BTN2A2: variants seen among roughly 807,000 people sequenced by gnomAD.
BTN2A2 encodes the protein butyrophilin subfamily 2 member A2, also known as butyrophilin 2.
BTN2A2 carries 29 observed loss-of-function variants against 34.7 expected under a neutral mutation model. The observed-to-expected ratio is 0.84, with a 90% CI of 0.62 to 1.14. The LOEUF (loss-of-function observed/expected upper bound fraction) is 1.14. Ranked by LOEUF, BTN2A2 falls within the 50% of genes most tolerant of loss-of-function variation. The pLI is 0.00. For missense variants in BTN2A2, 612 were observed against 651.5 expected (o/e 0.94, Z 0.66); for synonymous variants, 240 against 253.1 (o/e 0.95, Z 0.49).
intron 4 of BTN2A2, 68 bp from the exon 5 acceptor site, chr6:26,389,937 C>G: frequency 6.7e-7 from 1 of 1,494,886 alleles, no homozygotes; most frequent in Non-Finnish European, 9.2e-7. Flanking sequence ...TTCAGATGTG[C>G]TCTTAGGGGC....
rs1448619969 is a variant in BTN2A2 at position 26,394,353 on chromosome 6, G to C, written c.*1386G>C. 1 of 699,708 alleles carries C rather than the reference G, an allele frequency of 1.4e-6. No individual in the cohort carries two copies. Among genetic ancestry groups the C allele is most frequent in the Non-Finnish European group, 2.6e-6 (1 of 384,252 alleles). The allele number at this position is 699,708 out of a possible 1,614,324, so 43.3% of individuals were successfully genotyped here. A position where few individuals can be genotyped will look rare whatever the true frequency, so the allele number is the denominator to read the frequency against. On this transcript the variant is annotated 3_prime_UTR_variant, in exon 8 of 8. Transcript: ENST00000356709. ...AGACAGCTGGTACAACATTATTTCT[G>C]GGTGTGTCTGTGAGTGTGTTTCCAG...
intron 5 of BTN2A2, 153 bp downstream of exon 5, chr6:26,390,364 A>T: frequency 1.2e-6 from 1 of 814,158 alleles, no homozygotes; most frequent in Non-Finnish European, 1.9e-6. Flanking sequence ...AGCAGCAGCC[A>T]CAAGGGCTTG....
In BTN2A2 at chr6:26,383,765, G is replaced by C. The variant is rs554722229; in HGVS notation, c.-30-27G>C. 2.6e-6 allele frequency: 4 copies of C among 1,566,442 alleles called. No individual in the cohort carries two copies. In the East Asian group the frequency reaches 9.0e-5, roughly 35 times the overall value. ...AGCACTGAGGTGCCAAGACTCCTAG[G>C]CTGATTCTCCTCCTCTGTAACCCTA... On this transcript the variant is annotated intron_variant, in intron 1 of 7. Transcript: ENST00000356709. The surrounding 1 kb of genome is among the most constrained non-coding windows in gnomAD (Gnocchi z 4.4).
chr6:26,385,211 G>A lies in BTN2A2; in HGVS notation c.291G>A (p.Arg97=), dbSNP rs1412980111. 3.1e-6 allele frequency: 5 copies of A among 1,614,126 alleles called. No individual in the cohort carries two copies. Among genetic ancestry groups the A allele is most frequent in the Non-Finnish European group, 4.2e-6 (5 of 1,180,032 alleles). The change falls in exon 3 of 8, where the codon CGG becomes CGA. Residue 97 remains arginine (R), a synonymous_variant. Coordinates refer to ENST00000356709, the MANE Select transcript of BTN2A2 (RefSeq NM_006995.5). ...CAGAGGAGCAGATGGAGGAGTACCGGGGAAGAATCACCTTTGTGAGCAAAG... is the reference window on the plus strand; with the variant it reads ...CAGAGGAGCAGATGGAGGAGTACCGAGGAAGAATCACCTTTGTGAGCAAAG... ...ERTEEQMEEY[R]GRITFVSKDI...
chr6:26,389,703 G>A (rs1189462413), intron 4 of BTN2A2, among the ~76,000 whole-genome samples: 1 of 152,230 alleles, frequency 6.6e-6, no homozygotes, highest in Non-Finnish European at 1.5e-5. Flanking sequence ...CCAGGCGTGA[G>A]TGATGGTGGT....
chr6:26,390,249 G>A, intron 5 of BTN2A2, 38 bp downstream of exon 5: 3 of 1,585,936 alleles, frequency 1.9e-6, no homozygotes, highest in African/African-American at 1.4e-5. Context: ...AAAATAGAAA[G>A]AAATTCAAAA....
In BTN2A2 at chr6:26,394,430, TGCCCAATACAACAAAAAG is replaced by T; in HGVS notation, c.*1466_*1483del. The T allele has an allele frequency of 1.5e-6, 1 of 656,628 alleles. No individual in the cohort carries two copies. The highest frequency in any genetic ancestry group is 1.8e-5 in the African/African-American group (1 of 56,022). The allele number at this position is 656,628 out of a possible 1,614,324, so 40.7% of individuals were successfully genotyped here. A position where few individuals can be genotyped will look rare whatever the true frequency, so the allele number is the denominator to read the frequency against. On this transcript the variant is annotated 3_prime_UTR_variant, in exon 8 of 8. Coordinates refer to ENST00000356709, the MANE Select transcript of BTN2A2 (RefSeq NM_006995.5). ...AAATTCTCTCCTTCTGTTGGCTGGG[TGCCCAATACAACAAAAAG>T]GCAGAGGAAAGGCAAATTCTTCTCT...
Position 26,392,832 on chromosome 6 carries a change from T to C in BTN2A2, c.1437T>C (p.Pro479=), listed in dbSNP as rs768350908. ...GTCCCCGTTCAGCCTTTACTGTGCC[T>C]GTGAGGCCCTTCTTCAGGTTAGGGT... ...YTCPRSAFTV[P]VRPFFRLGSD... is the part of the protein sequence containing the mutation. Residue 479 remains proline, a synonymous_variant, in exon 8 of 8, where the codon CCT becomes CCC. Transcript: ENST00000356709. 9.3e-6 allele frequency: 15 copies of C among 1,614,218 alleles called. No individual in the cohort carries two copies. Among genetic ancestry groups the C allele is most frequent in the Admixed American group, 3.3e-5 (2 of 60,018 alleles).
In BTN2A2 at chr6:26,390,169, T is replaced by C; in HGVS notation, c.889T>C (p.Ser297Pro). ...ACTTCAAAGGGAAAAAAAGATTCTG[T>C]CAGGGGAAAAGAAAGTTGAACAAGA... ...KKLQREKKIL[S>P]GEKKVEQEEK... The change falls in exon 5 of 8, where the codon TCA becomes CCA. Residue 297 changes from serine (S) to proline (P), a missense_variant. Transcript: ENST00000356709. 6.2e-7 allele frequency: 1 copy of C among 1,613,978 alleles called. No homozygotes were observed.
chr6:26,388,352 T>C, intron 4 of BTN2A2, 58 bp downstream of exon 4: 1 of 1,586,682 alleles, frequency 6.3e-7, no homozygotes, highest in Non-Finnish European at 8.6e-7. Context: ...AGCACCCAGA[T>C]GGAGCCCAGA....
chr6:26,388,388 T>C, intron 4 of BTN2A2, 94 bp downstream of exon 4: 4 of 1,470,222 alleles, frequency 2.7e-6, no homozygotes, highest in Non-Finnish European at 2.8e-6. Context: ...GCAGTGTGGG[T>C]GGAATGGTCC....
intron 3 of BTN2A2, among the ~76,000 whole-genome samples, chr6:26,387,065 T>C (rs1018059979): frequency 2.6e-5 from 4 of 152,238 alleles, no homozygotes; most frequent in Admixed American, 2.6e-4. Flanking sequence ...CTTTTGCAGC[T>C]CTCTCACTCT....
Position 26,393,590 on chromosome 6 carries a change from G to A in BTN2A2, c.*623G>A. 9.9e-7 allele frequency: 1 copy of A among 1,005,404 alleles called. No homozygotes were observed. Among genetic ancestry groups the A allele is most frequent in the Middle Eastern group, 5.1e-4 (1 of 1,970 alleles). 62.3% of individuals were successfully genotyped at this position (1,005,404 alleles called of 1,614,324 possible). ...GCCTGGACCTGGGATGAAGATGAAT[G>A]AAGAACATGGACTCATGTGGATGTG... On this transcript the variant is annotated 3_prime_UTR_variant, in exon 8 of 8. Coordinates refer to ENST00000356709, the MANE Select transcript of BTN2A2 (RefSeq NM_006995.5).
At position 26,392,926 on chromosome 6, in the gene BTN2A2, G is replaced by A; in HGVS notation, c.1531G>A (p.Gly511Ser). Reference protein sequence around the residue: ...GASGVMVPEEGLKLHRVGTHQ... With the variant: ...GASGVMVPEESLKLHRVGTHQ... Reference sequence around the variant, plus strand: ...CAGTGGGGTCATGGTGCCTGAAGAGGGCCTGAAACTTCACAGAGTGGGGAC... The same window carrying A: ...CAGTGGGGTCATGGTGCCTGAAGAGAGCCTGAAACTTCACAGAGTGGGGAC... Residue 511 changes from glycine (G) to serine (S), a missense_variant, in exon 8 of 8, where the codon GGC (glycine) becomes AGC (serine). Gly to Ser is a moderately conservative substitution (Grantham distance 56). Transcript: ENST00000356709. The A allele has an allele frequency of 6.8e-6, 11 of 1,614,130 alleles. No homozygotes were observed. The highest frequency in any genetic ancestry group is 9.3e-6 in the Non-Finnish European group (11 of 1,180,026).
rs1267530237 is a variant in BTN2A2, at chr6:26,392,501, C to G, written c.1106C>G (p.Pro369Arg). 1 of 1,614,250 alleles carries G rather than the reference C, an allele frequency of 6.2e-7. No individual in the cohort carries two copies. The highest frequency in any genetic ancestry group is 1.7e-5 in the Admixed American group (1 of 60,028). The change falls in exon 8 of 8, where the codon CCT becomes CGT. Residue 369 changes from proline (P) to arginine (R), a missense_variant. By Grantham distance (103) the Pro-to-Arg change is moderately radical. Coordinates refer to ENST00000356709, the MANE Select transcript of BTN2A2 (RefSeq NM_006995.5). ...PDNPERFDSQ[P>R]CVLGWESFAS... ...AACCCAGAGAGATTCGACAGTCAGC[C>G]TTGTGTCCTGGGATGGGAGAGCTTC...
At chr6:26,389,522 A>G (rs552703893) in intron 4 of BTN2A2, among the ~76,000 whole-genome samples, 1 of 152,346 alleles carries the variant, frequency 6.6e-6, no homozygotes, top group African/African-American at 2.4e-5. Flanking sequence ...GAGTGATGCA[A>G]CTACGTTATA....
Position 26,392,583 on chromosome 6 carries a change from G to T in BTN2A2, c.1188G>T (p.Val396=). The T allele has an allele frequency of 6.2e-7, 1 of 1,614,198 alleles. No homozygotes were observed. ...VEVENVMVWT[V]GVCRHSVERK... ...TGGAAAACGTGATGGTGTGGACTGTGGGGGTCTGCAGACACAGTGTTGAGA... is the reference window on the plus strand; with the variant it reads ...TGGAAAACGTGATGGTGTGGACTGTTGGGGTCTGCAGACACAGTGTTGAGA... Residue 396 remains valine (V), a synonymous_variant, in exon 8 of 8, where the codon GTG becomes GTT. Transcript: ENST00000356709.
rs142151655 is a variant in BTN2A2 at position 26,392,379 on chromosome 6, T to C, written c.984T>C (p.Asp328=). 565 of 1,614,118 alleles carry C rather than the reference T, an allele frequency of 3.5e-4. 1 individual carries two copies. In the African/African-American group the frequency reaches 6.5e-3, roughly 19 times the overall value. ...AACCTGAGACTTCCTCTGCAGCTGA[T>C]GTGGTCCTGGATCCAGACACCGCTC... ...RWRRTFLHAA[D]VVLDPDTAHP... is the part of the protein sequence containing the mutation. Residue 328 remains aspartate (D), a synonymous_variant, in exon 8 of 8, where the codon GAT becomes GAC. Transcript: ENST00000356709.
rs149453161 is a variant in BTN2A2 at position 26,385,246 on chromosome 6, G to A, written c.326G>A (p.Arg109Lys). Residue 109 changes from arginine (R) to lysine (K), a missense_variant, in exon 3 of 8, where the codon AGG becomes AAG. Physicochemically the swap from Arg to Lys is conservative, Grantham distance 26 (BLOSUM62 2). Coordinates refer to ENST00000356709, the MANE Select transcript of BTN2A2 (RefSeq NM_006995.5). ...ACCTTTGTGAGCAAAGACATCAACA[G>A]GGGCAGCGTGGCCCTGGTCATACAT... is the stretch of plus-strand genomic sequence containing the variant. ...RITFVSKDIN[R>K]GSVALVIHNV... 1,991 of 1,614,152 alleles carry A rather than the reference G, an allele frequency of 1.2e-3. 26 individuals are homozygous for A. In the African/African-American group the frequency reaches 0.024, roughly 20 times the overall value.
Sources: gnomAD v4.1 joint callset for allele counts (sites outside exome capture counted in the v4.1 genomes callset) on GRCh38, gnomAD v4.1.1 for gene constraint, Gnocchi (gnomAD v3.1) non-coding constraint, MANE v1.5 for transcripts, NCBI Gene and HGNC (gene_info 2026-07-23, HGNC 2026-07-21) for gene names.